Variants in PRKCA observed in about 807,000 individuals in gnomAD.
The protein encoded by PRKCA is protein kinase C alpha type.
PRKCA carries 27 observed loss-of-function variants against 87.0 expected under a neutral mutation model. The observed-to-expected ratio is 0.31, with a 90% CI of 0.23 to 0.43. PRKCA has a LOEUF of 0.43. Among genes scored for constraint, PRKCA ranks in the 20% least tolerant of loss-of-function variants. The pLI is 1.00. For synonymous variants in PRKCA, 329 were observed against 311.1 expected (o/e 1.06, Z -0.61); for missense variants, 518 against 852.3 (o/e 0.61, Z 4.88).
chr17:66,429,582 C>G (rs1180981597), intron 2 of PRKCA, among the ~76,000 whole-genome samples: 3 of 152,032 alleles, frequency 2.0e-5, no homozygotes, highest in African/African-American at 7.2e-5. Flanking sequence ...ATAGTTGCAT[C>G]TAGTCCATTT....
intron 3 of PRKCA, among the ~76,000 whole-genome samples, chr17:66,632,393 T>A (rs1971043108): frequency 6.6e-6 from 1 of 152,100 alleles, no homozygotes; most frequent in African/African-American, 2.4e-5. Flanking sequence ...TGTTTTTTGT[T>A]TTTTGAGACG....
intron 8 of PRKCA, among the ~76,000 whole-genome samples, chr17:66,693,701 T>G (rs1972840321): frequency 6.6e-6 from 1 of 152,168 alleles, no homozygotes; most frequent in Non-Finnish European, 1.5e-5. Context: ...TCAGCAAACT[T>G]TTTCTGTACC....
At chr17:66,329,154 G>A (rs974623402) in intron 2 of PRKCA, among the ~76,000 whole-genome samples, 1 of 152,304 alleles carries the variant, frequency 6.6e-6, no homozygotes, top group Admixed American at 6.5e-5. Context: ...GAGGACAAAC[G>A]TTTGCAAATC....
intron 3 of PRKCA, among the ~76,000 whole-genome samples, chr17:66,615,238 T>A (rs1201227322): frequency 1.3e-5 from 2 of 152,182 alleles, no homozygotes; most frequent in Non-Finnish European, 2.9e-5. Flanking sequence ...TCAGTGACCA[T>A]GTTTAGCTGC....
chr17:66,436,369 A>G (rs1325791153), intron 2 of PRKCA, among the ~76,000 whole-genome samples: 3 of 152,150 alleles, frequency 2.0e-5, no homozygotes, highest in African/African-American at 7.2e-5. Context: ...AACCTTGACC[A>G]AATGAACCTC....
At chr17:66,489,392 TATA>T (rs1916129895) in intron 2 of PRKCA, among the ~76,000 whole-genome samples, 5 of 123,698 alleles carry the variant, frequency 4.0e-5, no homozygotes, top group Admixed American at 8.5e-5. Context: ...TATATATATA[TATA>T]TTTCCCCCCT....
intron 2 of PRKCA, among the ~76,000 whole-genome samples, chr17:66,433,731 G>T (rs112297212): frequency 1.9e-3 from 288 of 152,216 alleles, no homozygotes; most frequent in African/African-American, 6.5e-3. Flanking sequence ...TTTTAGTAGA[G>T]ACTGGGTTTC....
intron 2 of PRKCA, among the ~76,000 whole-genome samples, chr17:66,386,777 A>G (rs1910084522): frequency 6.6e-6 from 1 of 150,826 alleles, no homozygotes; most frequent in South Asian, 2.1e-4. Flanking sequence ...TAGTAATTAA[A>G]CTTTTAACCT....
intron 2 of PRKCA, among the ~76,000 whole-genome samples, chr17:66,488,175 C>A (rs1289976427): frequency 6.6e-6 from 1 of 152,126 alleles, no homozygotes; most frequent in Non-Finnish European, 1.5e-5. Context: ...TACAACCTGC[C>A]AATTTACCCT....
chr17:66,633,056 A>G (rs1202606559), intron 3 of PRKCA, among the ~76,000 whole-genome samples: 1 of 152,228 alleles, frequency 6.6e-6, no homozygotes, highest in Non-Finnish European at 1.5e-5. Context: ...TCTTTCTTAG[A>G]AAAGGAAACA....
chr17:66,633,053 T>C (rs1971064343), intron 3 of PRKCA, among the ~76,000 whole-genome samples: 1 of 152,186 alleles, frequency 6.6e-6, no homozygotes, highest in African/African-American at 2.4e-5. Context: ...CGTTCTTTCT[T>C]AGAAAAGGAA....
chr17:66,395,495 C>T (rs965658605), intron 2 of PRKCA, among the ~76,000 whole-genome samples: 2 of 152,140 alleles, frequency 1.3e-5, no homozygotes, highest in Admixed American at 1.3e-4. Flanking sequence ...AACCACATTT[C>T]ACATACTCAG....
intron 8 of PRKCA, among the ~76,000 whole-genome samples, chr17:66,724,466 T>G (rs940229890): frequency 3.9e-5 from 6 of 152,106 alleles, no homozygotes; most frequent in Non-Finnish European, 8.8e-5. Context: ...TTTACCTAAC[T>G]TGGAAATGAG....
chr17:66,563,287 A>G (rs990880924), intron 3 of PRKCA, among the ~76,000 whole-genome samples: 18 of 152,116 alleles, frequency 1.2e-4, no homozygotes, highest in Non-Finnish European at 2.2e-4. Context: ...TTATAGTATC[A>G]TACAGAGGAT....
Position 66,792,729 on chromosome 17 carries a change from G to A in PRKCA, c.1854+3750G>A, listed in dbSNP as rs992502376. Among the ~76,000 whole-genome samples, 2 of 152,262 alleles carry A rather than the reference G, an allele frequency of 1.3e-5. No individual in the cohort carries two copies. The highest frequency in any genetic ancestry group is 2.1e-4 in the South Asian group (1 of 4,836). ...CACACGTAAAGGAGAACAGAAAGAG[G>A]AGAGTGACCAGCATCGAGTGTGTGG... is the stretch of plus-strand genomic sequence containing the variant. On this transcript the variant is annotated intron_variant, in intron 16 of 16. Coordinates refer to ENST00000413366, the MANE Select transcript of PRKCA (RefSeq NM_002737.3). This position sits in a 1 kb window ranked among gnomAD's most constrained non-coding sequence, Gnocchi z 4.5.
intron 8 of PRKCA, among the ~76,000 whole-genome samples, chr17:66,690,523 A>G (rs146578945): frequency 3.9e-4 from 60 of 152,312 alleles, no homozygotes; most frequent in Middle Eastern, 3.4e-3. Context: ...TAATGTTGGC[A>G]GAGTTCTAAT....
intron 2 of PRKCA, among the ~76,000 whole-genome samples, chr17:66,439,461 T>G (rs1016426738): frequency 6.6e-6 from 1 of 152,254 alleles, no homozygotes; most frequent in Non-Finnish European, 1.5e-5. Flanking sequence ...ATTACAGGCA[T>G]GAGCCATCGT....
rs570551688 is a variant in PRKCA, at chr17:66,401,605, T to G, written c.206-94596T>G. On this transcript the variant is annotated intron_variant, in intron 2 of 16. Transcript: ENST00000413366. The stretch of plus-strand genomic sequence containing the variant: ...AATGTGGAGGTGGAGGCAGAGAGAT[T>G]AGGTAAGAGGTTTTTGTGAAAGTTC... 7.2e-5 allele frequency among the ~76,000 whole-genome samples: 11 copies of G among 152,230 alleles called. No homozygotes were observed. The South Asian group carries it at 2.3e-3, about 32-fold the overall frequency.
At chr17:66,357,721 G>A (rs371510685) in intron 2 of PRKCA, among the ~76,000 whole-genome samples, 1 of 152,178 alleles carries the variant, frequency 6.6e-6, no homozygotes, top group Non-Finnish European at 1.5e-5. Flanking sequence ...GTGATTCATG[G>A]TGTATGTTTG....
Sources: gnomAD v4.1 joint callset for allele counts (sites outside exome capture counted in the v4.1 genomes callset) on GRCh38, gnomAD v4.1.1 for gene constraint, Gnocchi (gnomAD v3.1) non-coding constraint, MANE v1.5 for transcripts, NCBI Gene and HGNC (gene_info 2026-07-23, HGNC 2026-07-21) for gene names.